The following RPS23 variants were observed in gnomAD, a reference collection of about 807,000 sequenced individuals.
RPS23 encodes small ribosomal subunit protein uS12.
For missense variants in RPS23, 73 were observed against 174.5 expected, an observed-to-expected ratio of 0.42 and a Z score of 3.28; for synonymous variants, 66 against 60.4, an observed-to-expected ratio of 1.09 and a Z score of -0.43.
Position 82,274,305 on chromosome 5 carries a change from G to A in RPS23, c.*1804C>T, listed in dbSNP as rs1361556357. On this transcript the variant is annotated 3_prime_UTR_variant, in exon 4 of 4. Transcript: ENST00000296674. ...GGGAAAGGGGCTGGGGGGCCACACA[G>A]AGAAAGGAGAAGGCACTAAGATCAG... is the stretch of plus-strand genomic sequence containing the variant. 2 of 152,688 alleles carry A rather than the reference G, an allele frequency of 1.3e-5. No individual in the cohort carries two copies. Among genetic ancestry groups the A allele is most frequent in the Non-Finnish European group, 2.9e-5 (2 of 68,472 alleles). The allele number at this position is 152,688 out of a possible 1,614,324, so 9.5% of individuals were successfully genotyped here.
chr5:82,277,390 G>A, intron 2 of RPS23: 1 of 395,464 alleles, frequency 2.5e-6, no homozygotes, highest in East Asian at 6.1e-5. Flanking sequence ...TTCAATAGCT[G>A]ACACGTGCCA....
Position 82,275,261 on chromosome 5 carries a change from T to C in RPS23, c.*848A>G, listed in dbSNP as rs1483718102. The C allele has an allele frequency of 1.4e-6, 1 of 702,502 alleles. No homozygotes were observed. Among genetic ancestry groups the C allele is most frequent in the African/African-American group, 1.7e-5 (1 of 57,278 alleles). The allele number at this position is 702,502 out of a possible 1,614,324, so 43.5% of individuals were successfully genotyped here. A position where few individuals can be genotyped will look rare whatever the true frequency, so the allele number is the denominator to read the frequency against. On this transcript the variant is annotated 3_prime_UTR_variant, in exon 4 of 4. Transcript: ENST00000296674. ...AGATTTAAAGCAGAAGGCTCACAGC[T>C]TCATTTCAACCATGCCACTGTATCC...
At position 82,274,510 on chromosome 5, in the gene RPS23, C is replaced by CACAT. The variant is rs1262752048; in HGVS notation, c.*1595_*1598dup. Reference sequence around the variant, plus strand: ...TATCAGAGAAGGCAGGTAACCAGGCCACATCCCTGGGCGCCCGCGCTGTCC... The same window carrying CACAT: ...TATCAGAGAAGGCAGGTAACCAGGCCACATACATCCCTGGGCGCCCGCGCTGTCC... On this transcript the variant is annotated 3_prime_UTR_variant, in exon 4 of 4. Coordinates refer to ENST00000296674, the MANE Select transcript of RPS23 (RefSeq NM_001025.5). 2 of 152,538 alleles carry CACAT rather than the reference C, an allele frequency of 1.3e-5. No individual in the cohort carries two copies. The highest frequency in any genetic ancestry group is 2.9e-5 in the Non-Finnish European group (2 of 68,300). The allele number at this position is 152,538 out of a possible 1,614,324, so 9.4% of individuals were successfully genotyped here.
At position 82,275,224 on chromosome 5, in the gene RPS23, G is replaced by C. The variant is rs1467874703; in HGVS notation, c.*885C>G. Reference sequence around the variant, plus strand: ...CCATACTTACTATTTGTTAACAGGAGTTTCTTACATCAGATTTAAAGCAGA... The same window carrying C: ...CCATACTTACTATTTGTTAACAGGACTTTCTTACATCAGATTTAAAGCAGA... On this transcript the variant is annotated 3_prime_UTR_variant, in exon 4 of 4. Transcript: ENST00000296674. 4.3e-6 allele frequency: 3 copies of C among 702,468 alleles called. No individual in the cohort carries two copies. Among genetic ancestry groups the C allele is most frequent in the Non-Finnish European group, 7.8e-6 (3 of 385,006 alleles). The allele number at this position is 702,468 out of a possible 1,614,324, so 43.5% of individuals were successfully genotyped here.
chr5:82,277,537 C>G, intron 2 of RPS23, 156 bp downstream of exon 2: 2 of 787,558 alleles, frequency 2.5e-6, no homozygotes. Flanking sequence ...ATTTTACCAA[C>G]TTTTAAATAG....
chr5:82,277,827 A>G lies in RPS23; in HGVS notation c.30T>C (p.Ala10=), dbSNP rs1409572075. Residue 10 remains alanine, a synonymous_variant, in exon 2 of 4, where the codon GCT becomes GCC. Transcript: ENST00000296674. ...CTCGTCGGTGACTACGGAGCTTCCT[A>G]GCAGTACGAAGTCCACGACACTTGC... MGKCRGLRT[A]RKLRSHRRDQ... 3.1e-6 allele frequency: 5 copies of G among 1,613,834 alleles called. No individual in the cohort carries two copies. The South Asian group carries it at 4.4e-5, about 14-fold the overall frequency.
chr5:82,276,875 T>C (rs1384100172), intron 2 of RPS23: 5 of 178,912 alleles, frequency 2.8e-5, no homozygotes, highest in Admixed American at 1.8e-4. Context: ...AGAAAAAAGG[T>C]ATCTGAGGTA....
At position 82,275,631 on chromosome 5, in the gene RPS23, T is replaced by C. The variant is rs1034560826; in HGVS notation, c.*478A>G. 2 of 333,534 alleles carry C rather than the reference T, an allele frequency of 6.0e-6. No individual in the cohort carries two copies. Among genetic ancestry groups the C allele is most frequent in the East Asian group, 1.1e-4 (2 of 17,906 alleles). The allele number at this position is 333,534 out of a possible 1,614,324, so 20.7% of individuals were successfully genotyped here. On this transcript the variant is annotated 3_prime_UTR_variant, in exon 4 of 4. Coordinates refer to ENST00000296674, the MANE Select transcript of RPS23 (RefSeq NM_001025.5). ...GCAATTTTGAGTTTACTATTTATCATCTTGGGCCCCTGTAAGATGGATACA... is the reference window on the plus strand; with the variant it reads ...GCAATTTTGAGTTTACTATTTATCACCTTGGGCCCCTGTAAGATGGATACA...
chr5:82,273,765 C>T lies in RPS23; in HGVS notation c.*2344G>A, dbSNP rs1747710440. On this transcript the variant is annotated 3_prime_UTR_variant, in exon 4 of 4. Transcript: ENST00000296674. Reference sequence around the variant, plus strand: ...CTCAAGAGTGTATGACTTTGCTGCCCAGGATGATCTTGAACTCCTGGCCTC... The same window carrying T: ...CTCAAGAGTGTATGACTTTGCTGCCTAGGATGATCTTGAACTCCTGGCCTC... 1 of 152,138 alleles carries T rather than the reference C, an allele frequency of 6.6e-6. No homozygotes were observed. The highest frequency in any genetic ancestry group is 1.5e-5 in the Non-Finnish European group (1 of 68,032). 9.4% of individuals were successfully genotyped at this position (152,138 alleles called of 1,614,324 possible). A position where few individuals can be genotyped will look rare whatever the true frequency, so the allele number is the denominator to read the frequency against.
Position 82,275,088 on chromosome 5 carries a change from C to A in RPS23, c.*1021G>T. 1.6e-6 allele frequency: 1 copy of A among 620,212 alleles called. No homozygotes were observed. The highest frequency in any genetic ancestry group is 2.9e-6 in the Non-Finnish European group (1 of 346,214). 38.4% of individuals were successfully genotyped at this position (620,212 alleles called of 1,614,324 possible). On this transcript the variant is annotated 3_prime_UTR_variant, in exon 4 of 4. Coordinates refer to ENST00000296674, the MANE Select transcript of RPS23 (RefSeq NM_001025.5). Reference sequence around the variant, plus strand: ...GAAGCGCAACCTGGGTTCTTCTGTGCCATGTGAAAGGTTCTGCTCTTGATC... The same window carrying A: ...GAAGCGCAACCTGGGTTCTTCTGTGACATGTGAAAGGTTCTGCTCTTGATC...
At position 82,276,097 on chromosome 5, in the gene RPS23, C is replaced by T. The variant is rs1330352175; in HGVS notation, c.*12G>A. 2 of 1,598,494 alleles carry T rather than the reference C, an allele frequency of 1.3e-6. No homozygotes were observed. Among genetic ancestry groups the T allele is most frequent in the Admixed American group, 3.6e-5 (2 of 56,324 alleles). ...TGAAAATTTATTACTACAGTGTTTT[C>T]ACCATTAATATTTATGATCTTGGTC... is the stretch of plus-strand genomic sequence containing the variant. On this transcript the variant is annotated 3_prime_UTR_variant, in exon 4 of 4. Coordinates refer to ENST00000296674, the MANE Select transcript of RPS23 (RefSeq NM_001025.5).
chr5:82,275,624 T>A lies in RPS23; in HGVS notation c.*485A>T, dbSNP rs1747756564. 3 of 343,258 alleles carry A rather than the reference T, an allele frequency of 8.7e-6. No individual in the cohort carries two copies. The highest frequency in any genetic ancestry group is 1.6e-5 in the Non-Finnish European group (3 of 190,350). The allele number at this position is 343,258 out of a possible 1,614,324, so 21.3% of individuals were successfully genotyped here. ...GTGGGGAGCAATTTTGAGTTTACTA[T>A]TTATCATCTTGGGCCCCTGTAAGAT... On this transcript the variant is annotated 3_prime_UTR_variant, in exon 4 of 4. Coordinates refer to ENST00000296674, the MANE Select transcript of RPS23 (RefSeq NM_001025.5).
Position 82,275,774 on chromosome 5 carries a change from T to C in RPS23, c.*335A>G, listed in dbSNP as rs1747759902. The C allele has an allele frequency of 3.7e-6, 1 of 273,280 alleles. No homozygotes were observed. Among genetic ancestry groups the C allele is most frequent in the Admixed American group, 4.7e-5 (1 of 21,066 alleles). 16.9% of individuals were successfully genotyped at this position (273,280 alleles called of 1,614,324 possible). A position where few individuals can be genotyped will look rare whatever the true frequency, so the allele number is the denominator to read the frequency against. ...TAAAAAAGAAAGTATCTCACTAGAA[T>C]TTCAGTGAGTTTTTGAAGTTCCCTT... On this transcript the variant is annotated 3_prime_UTR_variant, in exon 4 of 4. Transcript: ENST00000296674.
At chr5:82,278,194 T>TA (rs1747997876) in intron 1 of RPS23, 126 bp downstream of exon 1, 4 of 975,302 alleles carry the variant, frequency 4.1e-6, no homozygotes, top group Non-Finnish European at 4.6e-6. Flanking sequence ...GAGCGGCGCT[T>TA]CCCCGGCCCT....
intron 2 of RPS23, 108 bp downstream of exon 2, chr5:82,277,585 T>C (rs976029037): frequency 1.8e-6 from 2 of 1,110,910 alleles, no homozygotes; most frequent in Non-Finnish European, 1.4e-6. Context: ...AATGCCCAAA[T>C]GAATACTACT....
In RPS23 at chr5:82,277,868, T is replaced by C. The variant is rs1004805570; in HGVS notation, c.5-16A>G. 5 of 1,609,796 alleles carry C rather than the reference T, an allele frequency of 3.1e-6. No homozygotes were observed. The African/African-American group carries it at 6.7e-5, about 22-fold the overall frequency. ...CGACACTTGCCTAAAAATTAAATAT[T>C]TTAGTTCTTCCGTAAAAACACGCCA... On this transcript the variant is annotated splice_polypyrimidine_tract_variant and intron_variant, in intron 1 of 3. Transcript: ENST00000296674.
At chr5:82,277,951 G>C (rs1405191018) in intron 1 of RPS23, 99 bp from the exon 2 acceptor site, 10 of 1,099,194 alleles carry the variant, frequency 9.1e-6, no homozygotes, top group Admixed American at 2.4e-5. Flanking sequence ...CCCTTAAGCC[G>C]ATTGGCTCTC....
At chr5:82,277,975 G>T in intron 1 of RPS23, 123 bp from the exon 2 acceptor site, 1 of 893,824 alleles carries the variant, frequency 1.1e-6, no homozygotes, top group Non-Finnish European at 1.7e-6. Flanking sequence ...CTATTTATTG[G>T]CCTGTGGGCC....
At chr5:82,277,964 A>G in intron 1 of RPS23, 112 bp from the exon 2 acceptor site, 1 of 992,732 alleles carries the variant, frequency 1.0e-6, no homozygotes, top group Non-Finnish European at 1.5e-6. Flanking sequence ...TGGCTCTCGT[A>G]CTATTTATTG....
Sources: allele counts gnomAD v4.1 joint callset, GRCh38; gene constraint gnomAD v4.1.1; transcripts MANE v1.5; gene names NCBI Gene and HGNC (gene_info 2026-07-23, HGNC 2026-07-21).